FER: variants seen among roughly 807,000 people sequenced by gnomAD.
FER encodes the protein tyrosine-protein kinase Fer.
FER carries 63 observed loss-of-function variants against 111.0 expected under a neutral mutation model. The ratio of observed to expected loss-of-function variants is 0.57; its 90% CI spans 0.46 to 0.70. The LOEUF is 0.70. FER is among the 30% of genes least tolerant of loss of function. The pLI, the probability that FER is intolerant of heterozygous loss-of-function variation, is 0.00. For missense variants in FER, 914 were observed against 954.0 expected (o/e 0.96, Z 0.55); for synonymous variants, 327 against 313.9 (o/e 1.04, Z -0.44).
intron 5 of FER, among the ~76,000 whole-genome samples, chr5:108,850,270 C>T (rs1762427316): frequency 6.6e-6 from 1 of 150,424 alleles, no homozygotes; most frequent in African/African-American, 2.4e-5. Context: ...TAATGATCCT[C>T]TACTGTTTTT....
At chr5:108,815,173 A>C (rs1456250506) in intron 3 of FER, among the ~76,000 whole-genome samples, 1 of 152,174 alleles carries the variant, frequency 6.6e-6, no homozygotes. Context: ...ATAATGCTGC[A>C]ATGGATAACT....
chr5:108,849,219 AT>A (rs1240445250), intron 5 of FER, among the ~76,000 whole-genome samples: 6 of 151,958 alleles, frequency 3.9e-5, no homozygotes, highest in African/African-American at 1.5e-4. Context: ...TTCAGCCATT[AT>A]TTCTTCACAT....
intron 16 of FER, among the ~76,000 whole-genome samples, chr5:109,096,655 T>C (rs910225303): frequency 1.4e-5 from 2 of 142,764 alleles, no homozygotes; most frequent in African/African-American, 5.1e-5. Flanking sequence ...CTCAGTGTTA[T>C]CTAATCTTCT....
At chr5:108,757,090 G>T (rs1166771036) in intron 1 of FER, among the ~76,000 whole-genome samples, 2 of 152,148 alleles carry the variant, frequency 1.3e-5, no homozygotes, top group Non-Finnish European at 2.9e-5. Context: ...ATTTGAACTT[G>T]GGTGTTTCAT....
At chr5:108,800,511 T>G (rs1251897585) in intron 3 of FER, among the ~76,000 whole-genome samples, 2 of 151,978 alleles carry the variant, frequency 1.3e-5, no homozygotes. Context: ...CCACCATAAC[T>G]GGCTAATTTT....
At chr5:108,967,430 G>C (rs11960268) in intron 13 of FER, among the ~76,000 whole-genome samples, 41,822 of 151,884 alleles carry the variant, frequency 0.28, 6,271 homozygotes, top group African/African-American at 0.4. Flanking sequence ...AAGGTTAAAA[G>C]AAAGGCACCA....
intron 16 of FER, among the ~76,000 whole-genome samples, chr5:109,087,787 G>A (rs1163713791): frequency 6.6e-6 from 1 of 151,524 alleles, no homozygotes; most frequent in Admixed American, 6.6e-5. Context: ...GCAACATGTT[G>A]TATGTATGTG....
intron 11 of FER, among the ~76,000 whole-genome samples, chr5:108,949,700 C>T (rs537179043): frequency 2.8e-4 from 43 of 152,012 alleles, no homozygotes; most frequent in Non-Finnish European, 4.9e-4. Flanking sequence ...AATATGGTTG[C>T]GTATTGACAT....
intron 10 of FER, among the ~76,000 whole-genome samples, chr5:108,936,082 C>T (rs1250710000): frequency 6.6e-6 from 1 of 151,986 alleles, no homozygotes. Context: ...TAAATTTCGG[C>T]TGCTTGACCA....
intron 8 of FER, among the ~76,000 whole-genome samples, chr5:108,882,564 G>A (rs978840662): frequency 2.0e-5 from 3 of 151,712 alleles, no homozygotes; most frequent in South Asian, 2.1e-4. Context: ...TTTTCTGCAC[G>A]AAAAGGGCTC....
chr5:109,030,425 C>A (rs930323946), intron 13 of FER, among the ~76,000 whole-genome samples: 2 of 152,014 alleles, frequency 1.3e-5, no homozygotes, highest in Non-Finnish European at 2.9e-5. Flanking sequence ...ATCTTGGGTC[C>A]CATTTAAATC....
chr5:109,087,405 C>A (rs7729064), intron 16 of FER, among the ~76,000 whole-genome samples: 7 of 151,894 alleles, frequency 4.6e-5, no homozygotes, highest in African/African-American at 1.4e-4. Flanking sequence ...TGATAACATA[C>A]TAAAATCTTC....
At chr5:108,835,095 T>C (rs1306649805) in intron 4 of FER, among the ~76,000 whole-genome samples, 1 of 152,068 alleles carries the variant, frequency 6.6e-6, no homozygotes, top group African/African-American at 2.4e-5. Flanking sequence ...ATTTTAATGG[T>C]TTGTTTAATT....
At chr5:109,148,629 A>G (rs1254644843) in intron 17 of FER, among the ~76,000 whole-genome samples, 1 of 152,224 alleles carries the variant, frequency 6.6e-6, no homozygotes, top group Non-Finnish European at 1.5e-5. Flanking sequence ...TATGTGCTAC[A>G]TTTTAGAAAG....
chr5:108,871,128 A>T (rs1215281774), intron 6 of FER, among the ~76,000 whole-genome samples: 1 of 152,136 alleles, frequency 6.6e-6, no homozygotes, highest in African/African-American at 2.4e-5. Context: ...TGAAAAGGTA[A>T]TGCCATATTC....
chr5:108,844,990 GTGTGTGTATATATA>G (rs1449873490), intron 5 of FER, among the ~76,000 whole-genome samples: 280 of 41,790 alleles, frequency 6.7e-3, no homozygotes, highest in Middle Eastern at 0.015. Flanking sequence ...GCTGGTGTGT[GTGTGTGTATATATA>G]TATATATATA....
At chr5:108,989,881 G>A (rs898230710) in intron 13 of FER, among the ~76,000 whole-genome samples, 1 of 151,878 alleles carries the variant, frequency 6.6e-6, no homozygotes, top group East Asian at 1.9e-4. Context: ...TTAATTTGAA[G>A]AAGATAGTTT....
At chr5:109,152,777 CTG>C (rs1175583021) in intron 17 of FER, among the ~76,000 whole-genome samples, 11 of 152,016 alleles carry the variant, frequency 7.2e-5, no homozygotes, top group Admixed American at 5.2e-4. Flanking sequence ...ACTTTTCAAA[CTG>C]TGTCAAGGAA....
rs867572885 is a variant in FER, at chr5:108,780,035, A to G, written c.-60+11797A>G. Among the ~76,000 whole-genome samples the G allele has an allele frequency of 2.6e-5, 4 of 152,342 alleles. No homozygotes were observed. The South Asian group carries it at 6.2e-4, about 24-fold the overall frequency. On this transcript the variant is annotated intron_variant, in intron 2 of 19. Transcript: ENST00000281092. Reference sequence around the variant, plus strand: ...TTGCTGCTATTTTGAACAAATGCTTATGTGTTAGATCGACTGAGAGTGAGA... The same window carrying G: ...TTGCTGCTATTTTGAACAAATGCTTGTGTGTTAGATCGACTGAGAGTGAGA...
Sources: gnomAD v4.1 joint callset for allele counts (sites outside exome capture counted in the v4.1 genomes callset) on GRCh38, gnomAD v4.1.1 for gene constraint, MANE v1.5 for transcripts, NCBI Gene and HGNC (gene_info 2026-07-23, HGNC 2026-07-21) for gene names.